Variants in MRRF observed in about 807,000 individuals in gnomAD.
The protein encoded by MRRF is ribosome-recycling factor, mitochondrial.
Under a neutral mutation model 25.1 loss-of-function variants are expected in MRRF, and 18 were observed. That is an observed-to-expected ratio of 0.72 (90% CI 0.50 to 1.06). The LOEUF is 1.06. Among genes scored for constraint, MRRF ranks in the 50% least tolerant of loss-of-function variants. The probability of loss-of-function intolerance (pLI) is 0.00; values close to 1 mark genes in which losing one functional copy is unlikely to be tolerated. For missense variants in MRRF, 323 were observed against 319.3 expected (o/e 1.01, Z -0.09); for synonymous variants, 113 against 112.1 (o/e 1.01, Z -0.05).
chr9:122,295,402 T>C (rs1242157019), intron 5 of MRRF, among the ~76,000 whole-genome samples: 2 of 151,624 alleles, frequency 1.3e-5, no homozygotes, highest in Non-Finnish European at 2.9e-5. Context: ...GTTGGGACTT[T>C]GAGGGGTAGG....
intron 3 of MRRF, among the ~76,000 whole-genome samples, chr9:122,282,711 A>G (rs543792246): frequency 6.6e-6 from 1 of 152,354 alleles, no homozygotes; most frequent in East Asian, 1.9e-4. Flanking sequence ...TGTCTTGCTT[A>G]TAGGAAGTAT....
chr9:122,314,486 T>G (rs919693841), intron 6 of MRRF, among the ~76,000 whole-genome samples: 3 of 152,238 alleles, frequency 2.0e-5, no homozygotes, highest in African/African-American at 7.2e-5. Flanking sequence ...GAATATTTGC[T>G]GAACAGCATC....
rs1835973040 is a variant in MRRF, at chr9:122,322,915, G to A, written c.*298G>A. 2 of 504,122 alleles carry A rather than the reference G, an allele frequency of 4.0e-6. No homozygotes were observed. Among genetic ancestry groups the A allele is most frequent in the Non-Finnish European group, 7.2e-6 (2 of 276,786 alleles). 31.2% of individuals were successfully genotyped at this position (504,122 alleles called of 1,614,324 possible). ...GGGACTGAGGCCATTGGCAGGCTTAGTACCACCTGCTCCTCATCTTAGGAG... is the reference window on the plus strand; with the variant it reads ...GGGACTGAGGCCATTGGCAGGCTTAATACCACCTGCTCCTCATCTTAGGAG... On this transcript the variant is annotated 3_prime_UTR_variant, in exon 7 of 7. Transcript: ENST00000344641.
At position 122,330,576 on chromosome 9, in the gene MRRF, A is replaced by G. The variant is rs1402168107; in HGVS notation, c.*7959A>G. On this transcript the variant is annotated 3_prime_UTR_variant, in exon 7 of 7. Coordinates refer to ENST00000344641, the MANE Select transcript of MRRF (RefSeq NM_138777.5). This position sits in a 1 kb window ranked among gnomAD's most constrained non-coding sequence, Gnocchi z 4.2. ...TAGGCAACTCAAGGAGCTAGCTGTT[A>G]TTTTGTTCATTCTACAAGTGAGGAA... is the stretch of plus-strand genomic sequence containing the variant. 6.6e-6 allele frequency: 1 copy of G among 152,186 alleles called. No homozygotes were observed. Among genetic ancestry groups the G allele is most frequent in the Non-Finnish European group, 1.5e-5 (1 of 68,068 alleles). The allele number at this position is 152,186 out of a possible 1,614,324, so 9.4% of individuals were successfully genotyped here. A position where few individuals can be genotyped will look rare whatever the true frequency, so the allele number is the denominator to read the frequency against.
rs528488014 is a variant in MRRF at position 122,308,405 on chromosome 9, A to G, written c.552-4822A>G. ...TTAGTCTTTTTTTTTTTTTTTTTTT[A>G]AGATGGGGTCAGGCCGGATGCGGTG... is the stretch of plus-strand genomic sequence containing the variant. On this transcript the variant is annotated intron_variant, in intron 5 of 6. Coordinates refer to ENST00000344641, the MANE Select transcript of MRRF (RefSeq NM_138777.5). 6.4e-3 allele frequency among the ~76,000 whole-genome samples: 823 copies of G among 128,898 alleles called. 5 individuals carry two copies. Among genetic ancestry groups the G allele is most frequent in the African/African-American group, 0.023 (773 of 33,732 alleles). The allele number at this position is 128,898 out of a possible 152,430, so 84.6% of individuals were successfully genotyped here.
At chr9:122,268,304 A>G (rs1369964291) in intron 1 of MRRF, among the ~76,000 whole-genome samples, 1 of 152,202 alleles carries the variant, frequency 6.6e-6, no homozygotes, top group East Asian at 1.9e-4. Context: ...TTTCTAACCC[A>G]TTTTGATTTC....
intron 5 of MRRF, among the ~76,000 whole-genome samples, chr9:122,311,091 T>C (rs1352111373): frequency 6.6e-6 from 1 of 152,194 alleles, no homozygotes; most frequent in Non-Finnish European, 1.5e-5. Context: ...TCTTTTTAAA[T>C]CTTCATTTTA....
intron 5 of MRRF, among the ~76,000 whole-genome samples, chr9:122,292,639 G>T (rs1833847832): frequency 6.6e-6 from 1 of 152,162 alleles, no homozygotes; most frequent in South Asian, 2.1e-4. Context: ...ATAAGTCATG[G>T]TGAGTGGGCT....
intron 3 of MRRF, among the ~76,000 whole-genome samples, chr9:122,281,027 G>C (rs553803035): frequency 7.2e-5 from 11 of 152,202 alleles, no homozygotes; most frequent in Non-Finnish European, 1.5e-4. Flanking sequence ...GACATCTTTG[G>C]TCCGATTTTT....
At chr9:122,279,554 T>G (rs1223442080) in intron 2 of MRRF, among the ~76,000 whole-genome samples, 2 of 152,260 alleles carry the variant, frequency 1.3e-5, no homozygotes, top group Non-Finnish European at 1.5e-5. Flanking sequence ...TTTAAAATTT[T>G]ATTGTTTTTC....
intron 2 of MRRF, among the ~76,000 whole-genome samples, chr9:122,279,150 C>T (rs540879875): frequency 7.5e-4 from 115 of 152,336 alleles, no homozygotes; most frequent in African/African-American, 2.5e-3. Flanking sequence ...GGATTATAGG[C>T]ATGAGCCACT....
chr9:122,287,702 T>A (rs542552960), intron 4 of MRRF, among the ~76,000 whole-genome samples: 3 of 152,348 alleles, frequency 2.0e-5, no homozygotes, highest in South Asian at 4.1e-4. Flanking sequence ...ATCTTCATTT[T>A]TCAACTCAGA....
At chr9:122,291,641 C>G (rs889929702) in intron 4 of MRRF, 108 bp from the exon 5 acceptor site, 1 of 820,296 alleles carries the variant, frequency 1.2e-6, no homozygotes, top group African/African-American at 1.7e-5. Flanking sequence ...GGTAACAGAA[C>G]TAAATGTTTC....
chr9:122,291,855 A>T lies in MRRF; in HGVS notation c.551+15A>T, dbSNP rs146938234. 1.8e-4 allele frequency: 288 copies of T among 1,586,116 alleles called. No individual in the cohort carries two copies. In the East Asian group the frequency reaches 6.3e-3, roughly 34 times the overall value. On this transcript the variant is annotated intron_variant, in intron 5 of 6. Transcript: ENST00000344641. Reference sequence around the variant, plus strand: ...CCCATTCCCCAGTAAGTTTGGCTGAAATTCACATATTTTGATGAAACGGGG... The same window carrying T: ...CCCATTCCCCAGTAAGTTTGGCTGATATTCACATATTTTGATGAAACGGGG...
chr9:122,270,331 A>G (rs1019312163), intron 1 of MRRF, among the ~76,000 whole-genome samples: 8 of 152,326 alleles, frequency 5.3e-5, no homozygotes, highest in South Asian at 2.1e-4. Flanking sequence ...TCAAACCTCA[A>G]TCATGCTTTA....
chr9:122,303,407 A>C (rs535542510), intron 5 of MRRF, among the ~76,000 whole-genome samples: 59 of 151,972 alleles, frequency 3.9e-4, no homozygotes, highest in Non-Finnish European at 5.4e-4. Context: ...TTTTTGAGAC[A>C]GGCTTTTACT....
chr9:122,315,877 G>C (rs1271554699), intron 6 of MRRF, among the ~76,000 whole-genome samples: 1 of 152,184 alleles, frequency 6.6e-6, no homozygotes, highest in Non-Finnish European at 1.5e-5. Flanking sequence ...AAGCATTCTT[G>C]ATAAAACCCT....
intron 5 of MRRF, among the ~76,000 whole-genome samples, chr9:122,303,245 C>G (rs961020456): frequency 6.6e-6 from 1 of 151,008 alleles, no homozygotes; most frequent in Non-Finnish European, 1.5e-5. Flanking sequence ...GTATATCCTT[C>G]CAGATTTCAA....
In MRRF at chr9:122,280,461, C is replaced by T; in HGVS notation, c.203C>T (p.Ser68Phe). 1 of 1,614,094 alleles carries T rather than the reference C, an allele frequency of 6.2e-7. No individual in the cohort carries two copies. The highest frequency in any genetic ancestry group is 8.5e-7 in the Non-Finnish European group (1 of 1,179,980). The change falls in exon 3 of 7, where the codon TCC becomes TTC. Residue 68 changes from serine (S) to phenylalanine (F), a missense_variant. Transcript: ENST00000344641. ...TTTTTAGCCAAAGGGAAAGGACAGT[C>T]CCAAACCAGAGTGAATATTAATGCT... Reference protein sequence around the residue: ...KKAKAKGKGQSQTRVNINAAL... With the variant: ...KKAKAKGKGQFQTRVNINAAL...
Sources: allele counts gnomAD v4.1 joint callset (sites outside exome capture counted in the v4.1 genomes callset), GRCh38; gene constraint gnomAD v4.1.1; non-coding constraint Gnocchi (gnomAD v3.1); transcripts MANE v1.5; gene names NCBI Gene and HGNC (gene_info 2026-07-23, HGNC 2026-07-21).